CTNNA2: variants seen among roughly 807,000 people sequenced by gnomAD.
The protein encoded by CTNNA2 is catenin alpha 2.
In CTNNA2, 42 loss-of-function variants were observed where a neutral mutation model predicts 101.0. The observed-to-expected ratio is 0.42, with a 90% CI of 0.32 to 0.54. The LOEUF (loss-of-function observed/expected upper bound fraction) is 0.54, where lower values mean the gene tolerates loss of function less well. Ranked by LOEUF, CTNNA2 falls within the 20% of genes least tolerant of loss-of-function variation. CTNNA2 has a pLI of 0.14. For missense variants in CTNNA2, 871 were observed against 1,223.1 expected (o/e 0.71, Z 4.29); for synonymous variants, 450 against 456.4 (o/e 0.99, Z 0.18).
Position 79,964,110 on chromosome 2 carries a change from T to A in CTNNA2, c.1056+54313T>A, listed in dbSNP as rs576525267. On this transcript the variant is annotated intron_variant, in intron 7 of 18. Coordinates refer to ENST00000402739, the MANE Select transcript of CTNNA2 (RefSeq NM_001282597.3). ...CAGAGCATGTCCTAGAATACCTGCATGGCCAGTTGATTCGTCTCAGAAATC... is the reference window on the plus strand; with the variant it reads ...CAGAGCATGTCCTAGAATACCTGCAAGGCCAGTTGATTCGTCTCAGAAATC... Among the ~76,000 whole-genome samples, 15 of 152,316 alleles carry A rather than the reference T, an allele frequency of 9.8e-5. No individual in the cohort carries two copies. In the South Asian group the frequency reaches 3.1e-3, roughly 32 times the overall value.
intron 9 of CTNNA2, among the ~76,000 whole-genome samples, chr2:80,518,726 G>A (rs1438579933): frequency 1.3e-5 from 2 of 151,972 alleles, no homozygotes; most frequent in Non-Finnish European, 2.9e-5. Context: ...CTATTTATAT[G>A]AGTAAATGTG....
chr2:80,268,556 GA>G (rs1233280272), intron 7 of CTNNA2, among the ~76,000 whole-genome samples: 5 of 152,064 alleles, frequency 3.3e-5, no homozygotes, highest in African/African-American at 4.8e-5. Context: ...AGAAATTCTT[GA>G]AAGATAAATC....
At chr2:80,403,510 T>C (rs974571134) in intron 8 of CTNNA2, among the ~76,000 whole-genome samples, 3 of 152,226 alleles carry the variant, frequency 2.0e-5, no homozygotes, top group South Asian at 4.1e-4. Context: ...TTTTATGGCA[T>C]TCCGAAGTAC....
intron 3 of CTNNA2, among the ~76,000 whole-genome samples, chr2:79,333,082 A>C (rs956638860): frequency 6.6e-6 from 1 of 152,206 alleles, no homozygotes; most frequent in African/African-American, 2.4e-5. Flanking sequence ...CAACAGACAA[A>C]TTTTAAAAAT....
intron 9 of CTNNA2, among the ~76,000 whole-genome samples, chr2:80,454,391 T>C (rs924756778): frequency 6.6e-6 from 1 of 152,182 alleles, no homozygotes; most frequent in African/African-American, 2.4e-5. Context: ...ACTGTCATGG[T>C]GGGACTTAGC....
chr2:80,146,721 T>TTG (rs1703365610), intron 7 of CTNNA2, among the ~76,000 whole-genome samples: 5 of 109,936 alleles, frequency 4.5e-5, no homozygotes, highest in Non-Finnish European at 9.6e-5. Context: ...TTTTTTTTTT[T>TTG]TTTTTTTTTT....
chr2:79,244,719 C>T (rs897564627), intron 2 of CTNNA2, among the ~76,000 whole-genome samples: 1 of 152,198 alleles, frequency 6.6e-6, no homozygotes, highest in African/African-American at 2.4e-5. Context: ...TAGCAGAGCT[C>T]ATTATGTTGT....
At chr2:80,007,530 T>C (rs1693458457) in intron 7 of CTNNA2, among the ~76,000 whole-genome samples, 1 of 152,176 alleles carries the variant, frequency 6.6e-6, no homozygotes, top group African/African-American at 2.4e-5. Context: ...CAGTCTTGCC[T>C]CCTCTGCCTG....
chr2:80,481,733 GC>G lies in CTNNA2; in HGVS notation c.1290+62133del, dbSNP rs371724437. 3.7e-3 allele frequency among the ~76,000 whole-genome samples: 558 copies of G among 152,186 alleles called. 1 individual carries two copies. Among genetic ancestry groups the G allele is most frequent in the African/African-American group, 0.013 (538 of 41,548 alleles). On this transcript the variant is annotated intron_variant, in intron 9 of 18. Coordinates refer to ENST00000402739, the MANE Select transcript of CTNNA2 (RefSeq NM_001282597.3). ...TTATTAAGGACTACAAACTTGTTGA[GC>G]TTTTGCTTTGCAGCCTCTATGGATC...
chr2:80,244,045 C>G (rs1213897446), intron 7 of CTNNA2, among the ~76,000 whole-genome samples: 1 of 151,894 alleles, frequency 6.6e-6, no homozygotes, highest in Non-Finnish European at 1.5e-5. Flanking sequence ...TTTGGCTGGA[C>G]GAAGAAGAAA....
intron 7 of CTNNA2, among the ~76,000 whole-genome samples, chr2:80,258,234 C>T (rs994992303): frequency 2.0e-5 from 3 of 152,160 alleles, no homozygotes; most frequent in African/African-American, 7.2e-5. Context: ...GAATGACAGT[C>T]AATTCTTCTC....
chr2:79,825,370 G>A (rs1461904076), intron 3 of CTNNA2, among the ~76,000 whole-genome samples: 1 of 152,058 alleles, frequency 6.6e-6, no homozygotes, highest in Non-Finnish European at 1.5e-5. Context: ...GCACCAGTTG[G>A]GATTTTTAAA....
At chr2:80,141,519 G>A (rs1703010116) in intron 7 of CTNNA2, among the ~76,000 whole-genome samples, 1 of 152,038 alleles carries the variant, frequency 6.6e-6, no homozygotes, top group Non-Finnish European at 1.5e-5. Flanking sequence ...CCAACCCTGT[G>A]AGCTCTGCCT....
rs1231284042 is a variant in CTNNA2, at chr2:80,302,941, G to C, written c.1057-90270G>C. 18 of 1,613,904 alleles carry C rather than the reference G, an allele frequency of 1.1e-5. No individual in the cohort carries two copies. The highest frequency in any genetic ancestry group is 4.4e-5 in the South Asian group (4 of 91,068). On this transcript the variant is annotated intron_variant, in intron 7 of 18. Coordinates refer to ENST00000402739, the MANE Select transcript of CTNNA2 (RefSeq NM_001282597.3). The surrounding 1 kb of genome is among the most constrained non-coding windows in gnomAD (Gnocchi z 6.4). ...AGTTGAGGATCCGGGGCTCGATGTA[G>C]GTGAGGCGGTTGGAGTCCAGCTGCA...
chr2:80,492,201 A>G (rs1171236636), intron 9 of CTNNA2, among the ~76,000 whole-genome samples: 1 of 152,092 alleles, frequency 6.6e-6, no homozygotes, highest in Admixed American at 6.6e-5. Context: ...GGTTGTTTAA[A>G]AGTGTGTAGC....
intron 2 of CTNNA2, among the ~76,000 whole-genome samples, chr2:79,652,233 A>G (rs1309254271): frequency 8.1e-6 from 1 of 123,832 alleles, no homozygotes; most frequent in African/African-American, 4.2e-5. Flanking sequence ...GATTCCTGGG[A>G]TGTGATTTTT....
At chr2:79,264,783 G>C (rs1318027988) in intron 2 of CTNNA2, among the ~76,000 whole-genome samples, 1 of 151,568 alleles carries the variant, frequency 6.6e-6, no homozygotes, top group Non-Finnish European at 1.5e-5. Context: ...CTCTCACATA[G>C]TAACACAGCT....
At chr2:80,294,874 A>G (rs1675605922) in intron 7 of CTNNA2, among the ~76,000 whole-genome samples, 1 of 152,160 alleles carries the variant, frequency 6.6e-6, no homozygotes, top group African/African-American at 2.4e-5. Context: ...ACTTTACAAC[A>G]TTACATTGAG....
intron 7 of CTNNA2, among the ~76,000 whole-genome samples, chr2:80,287,853 C>T (rs952774848): frequency 3.9e-5 from 6 of 152,146 alleles, no homozygotes; most frequent in African/African-American, 1.4e-4. Context: ...CTCACACCTT[C>T]GATAGGGTAC....
Sources: allele counts gnomAD v4.1 joint callset (sites outside exome capture counted in the v4.1 genomes callset), GRCh38; gene constraint gnomAD v4.1.1; non-coding constraint Gnocchi (gnomAD v3.1); transcripts MANE v1.5; gene names NCBI Gene and HGNC (gene_info 2026-07-23, HGNC 2026-07-21).